ZFAT: variants seen among roughly 807,000 people sequenced by gnomAD.
The protein encoded by ZFAT is zinc finger and AT-hook domain containing, also known as zinc finger protein ZFAT.
In ZFAT, 64 loss-of-function variants were observed where a neutral mutation model predicts 117.7. That is an observed-to-expected ratio of 0.54 (90% CI 0.44 to 0.67). The LOEUF (loss-of-function observed/expected upper bound fraction) is 0.67, where lower values mean the gene tolerates loss of function less well. Ranked by LOEUF, ZFAT falls within the 30% of genes least tolerant of loss-of-function variation. ZFAT has a pLI of 0.00. For synonymous variants in ZFAT, 679 were observed against 615.0 expected, an observed-to-expected ratio of 1.10 and a Z score of -1.54; for missense variants, 1,433 against 1,584.5, an observed-to-expected ratio of 0.90 and a Z score of 1.62.
At chr8:134,609,851 T>C (rs1005931286) in intron 4 of ZFAT, among the ~76,000 whole-genome samples, 1 of 152,150 alleles carries the variant, frequency 6.6e-6, no homozygotes, top group African/African-American at 2.4e-5. Flanking sequence ...TGGTGAACCC[T>C]TCTAAAAATA....
intron 4 of ZFAT, among the ~76,000 whole-genome samples, chr8:134,609,094 G>A (rs1007898902): frequency 6.6e-6 from 1 of 151,922 alleles, no homozygotes; most frequent in Admixed American, 6.6e-5. Flanking sequence ...TCAATAATCT[G>A]TCTAAATGTC....
chr8:134,766,122 TTC>T, the ZFAT span: 1 of 152,212 alleles, frequency 6.6e-6, no homozygotes, highest in Admixed American at 6.5e-5. Flanking sequence ...ATTATCTACT[TTC>T]TCTCTCATTC....
chr8:134,568,186 T>C (rs1824619277), intron 10 of ZFAT, among the ~76,000 whole-genome samples: 2 of 152,256 alleles, frequency 1.3e-5, no homozygotes, highest in Admixed American at 1.3e-4. Context: ...ATACCACAGT[T>C]GTATCTATTA....
At chr8:134,527,195 G>C (rs977632023) in intron 12 of ZFAT, among the ~76,000 whole-genome samples, 1 of 152,198 alleles carries the variant, frequency 6.6e-6, no homozygotes, top group South Asian at 2.1e-4. Context: ...GCCTCTAGAG[G>C]CTAGAAAAGG....
intron 15 of ZFAT, among the ~76,000 whole-genome samples, chr8:134,501,839 A>T (rs1464376432): frequency 6.6e-6 from 1 of 152,180 alleles, no homozygotes; most frequent in Non-Finnish European, 1.5e-5. Context: ...CAGTTATTCG[A>T]GCTTAGAGGG....
At chr8:134,518,819 A>C (rs1029278047) in intron 13 of ZFAT, among the ~76,000 whole-genome samples, 4 of 152,058 alleles carry the variant, frequency 2.6e-5, no homozygotes, top group Non-Finnish European at 4.4e-5. Context: ...TTCTCATATA[A>C]CTTTATATGT....
chr8:134,661,073 C>T (rs943546716), intron 1 of ZFAT, among the ~76,000 whole-genome samples: 1 of 152,210 alleles, frequency 6.6e-6, no homozygotes, highest in African/African-American at 2.4e-5. Context: ...CGCCACGTGA[C>T]GTGGGCCATG....
At chr8:134,732,086 T>C in the ZFAT span, among the ~76,000 whole-genome samples, 3 of 152,182 alleles carry the variant, frequency 2.0e-5, no homozygotes, top group African/African-American at 4.8e-5. Flanking sequence ...AATGCAAACA[T>C]GGCATTTCCT....
chr8:134,528,093 T>TCTC (rs1268963185), intron 12 of ZFAT, among the ~76,000 whole-genome samples: 2 of 152,196 alleles, frequency 1.3e-5, no homozygotes, highest in African/African-American at 4.8e-5. Flanking sequence ...TCCTCCTCTT[T>TCTC]CTCCTCCTCC....
intron 11 of ZFAT, among the ~76,000 whole-genome samples, chr8:134,559,803 CAA>C (rs1322490739): frequency 6.6e-6 from 1 of 152,132 alleles, no homozygotes; most frequent in African/African-American, 2.4e-5. Context: ...ATCATACACT[CAA>C]AGTTATTCCC....
At chr8:134,649,234 C>T (rs1467699454) in intron 2 of ZFAT, among the ~76,000 whole-genome samples, 1 of 148,756 alleles carries the variant, frequency 6.7e-6, no homozygotes, top group African/African-American at 2.5e-5. Context: ...AGACTGGATA[C>T]TTTCTTCCTA....
At chr8:134,498,143 T>C (rs1427856257) in intron 15 of ZFAT, among the ~76,000 whole-genome samples, 3 of 51,012 alleles carry the variant, frequency 5.9e-5, no homozygotes, top group South Asian at 9.9e-4. Flanking sequence ...TTGGTAGGGC[T>C]GGGGTGGAGC....
At chr8:134,766,327 T>C in the ZFAT span, 1 of 152,230 alleles carries the variant, frequency 6.6e-6, no homozygotes, top group Admixed American at 6.5e-5. Context: ...GAGCTCCTAA[T>C]TGGATTTTGT....
intron 1 of ZFAT, among the ~76,000 whole-genome samples, chr8:134,661,602 AGGAAGGAGTACATTG>A (rs2131221128): frequency 6.6e-6 from 1 of 152,300 alleles, no homozygotes; most frequent in African/African-American, 2.4e-5. Context: ...GGGAGGGAGA[AGGAAGGAGTACATTG>A]GCCCAAGACG....
chr8:134,712,811 AC>A (rs1814072500), intron 1 of ZFAT, 33 bp downstream of exon 1: 1 of 647,328 alleles, frequency 1.5e-6, no homozygotes, highest in Non-Finnish European at 2.1e-6. Context: ...CCCCACCCCC[AC>A]CCCGTCTCAC....
chr8:134,742,877 C>A, the ZFAT span, among the ~76,000 whole-genome samples: 1 of 152,188 alleles, frequency 6.6e-6, no homozygotes, highest in African/African-American at 2.4e-5. Flanking sequence ...CTCCAGCAAG[C>A]TCTAAGGGGA....
At chr8:134,555,167 A>G (rs574875081) in intron 11 of ZFAT, among the ~76,000 whole-genome samples, 1 of 152,186 alleles carries the variant, frequency 6.6e-6, no homozygotes, top group Admixed American at 6.5e-5. Flanking sequence ...GTGGAGCCAC[A>G]CAGCACATGC....
chr8:134,567,474 TCC>T (rs1824552954), intron 10 of ZFAT, among the ~76,000 whole-genome samples: 1 of 151,776 alleles, frequency 6.6e-6, no homozygotes, highest in African/African-American at 2.4e-5. Flanking sequence ...CATCCATCCA[TCC>T]ATCCATCCAT....
chr8:134,742,115 A>C, the ZFAT span, among the ~76,000 whole-genome samples: 2 of 151,594 alleles, frequency 1.3e-5, no homozygotes, highest in African/African-American at 4.9e-5. Flanking sequence ...AATTTTTCTC[A>C]AAAGGGTCTT....
Sources: gnomAD v4.1 joint callset for allele counts (sites outside exome capture counted in the v4.1 genomes callset) on GRCh38, gnomAD v4.1.1 for gene constraint, MANE v1.5 for transcripts, NCBI Gene and HGNC (gene_info 2026-07-23, HGNC 2026-07-21) for gene names.